PTPRT: variants seen among roughly 807,000 people sequenced by gnomAD.
PTPRT encodes protein tyrosine phosphatase receptor type T.
In PTPRT, 56 loss-of-function variants were observed where a neutral mutation model predicts 176.8. The observed-to-expected ratio is 0.32, with a 90% CI of 0.26 to 0.40. The LOEUF (loss-of-function observed/expected upper bound fraction) is 0.40, where lower values mean the gene tolerates loss of function less well. Among genes scored for constraint, PTPRT ranks in the 10% least tolerant of loss-of-function variants. The pLI, the probability that PTPRT is intolerant of heterozygous loss-of-function variation, is 1.00. For synonymous variants in PTPRT, 783 were observed against 739.0 expected (o/e 1.06, Z -0.96); for missense variants, 1,540 against 1,908.2 (o/e 0.81, Z 3.60).
chr20:42,652,547 T>A (rs1211749058), intron 7 of PTPRT, among the ~76,000 whole-genome samples: 2 of 152,102 alleles, frequency 1.3e-5, no homozygotes, highest in Non-Finnish European at 2.9e-5. Flanking sequence ...AGCATCCCCC[T>A]CCCCTTCACT....
At chr20:42,143,513 C>T (rs1003293488) in intron 17 of PTPRT, among the ~76,000 whole-genome samples, 6 of 148,728 alleles carry the variant, frequency 4.0e-5, no homozygotes, top group African/African-American at 1.5e-4. Flanking sequence ...GCTGAGAGCA[C>T]GCTACTGCAC....
chr20:42,729,817 C>G (rs1469156229), intron 6 of PTPRT, among the ~76,000 whole-genome samples: 2 of 150,524 alleles, frequency 1.3e-5, no homozygotes, highest in Non-Finnish European at 2.9e-5. Context: ...CCATGGCTAC[C>G]TCTTCTCTTC....
chr20:42,924,956 C>T (rs1979387253), intron 1 of PTPRT, among the ~76,000 whole-genome samples: 1 of 152,196 alleles, frequency 6.6e-6, no homozygotes, highest in Non-Finnish European at 1.5e-5. Context: ...AAAGAGCCTT[C>T]CAAGTGAATC....
chr20:42,301,043 A>G lies in PTPRT; in HGVS notation c.2139+14680T>C, dbSNP rs1424829822. Among the ~76,000 whole-genome samples the G allele has an allele frequency of 2.0e-5, 3 of 152,176 alleles. No individual in the cohort carries two copies. The East Asian group carries it at 5.8e-4, about 29-fold the overall frequency. ...GTAATAGTTGATTTCAACAAAAAAT[A>G]TCAGCAAATGCTAAAAGATGAAAGT... On this transcript the variant is annotated intron_variant, in intron 12 of 30. Coordinates refer to ENST00000373187, the MANE Select transcript of PTPRT (RefSeq NM_007050.6).
intron 15 of PTPRT, among the ~76,000 whole-genome samples, chr20:42,209,708 T>G (rs995008643): frequency 7.9e-5 from 12 of 152,182 alleles, no homozygotes; most frequent in Non-Finnish European, 1.5e-4. Context: ...AGCTGAATTC[T>G]ACCAGAGGTA....
intron 11 of PTPRT, among the ~76,000 whole-genome samples, chr20:42,316,507 G>A (rs1404131587): frequency 6.6e-6 from 1 of 152,146 alleles, no homozygotes; most frequent in Non-Finnish European, 1.5e-5. Flanking sequence ...TTGCCTCTAA[G>A]GCACTTGATT....
chr20:42,848,543 T>C (rs966158624), intron 2 of PTPRT, among the ~76,000 whole-genome samples: 7 of 152,256 alleles, frequency 4.6e-5, no homozygotes, highest in African/African-American at 1.7e-4. Flanking sequence ...GGTAACACAC[T>C]GTGGTTTTGA....
At chr20:42,628,077 T>G (rs2074329312) in intron 7 of PTPRT, among the ~76,000 whole-genome samples, 1 of 152,114 alleles carries the variant, frequency 6.6e-6, no homozygotes, top group Non-Finnish European at 1.5e-5. Context: ...CCACCCCATC[T>G]GGACATTAAC....
chr20:42,794,453 G>A (rs17811425), intron 2 of PTPRT, among the ~76,000 whole-genome samples: 57,393 of 151,998 alleles, frequency 0.38, 12,870 homozygotes, highest in Non-Finnish European at 0.51. Flanking sequence ...CAGTTTATCA[G>A]GATCCCCAGG....
chr20:42,472,405 G>A lies in PTPRT; in HGVS notation c.1311C>T (p.Ala437=), dbSNP rs756772112. The change falls in exon 8 of 31, where the codon GCC becomes GCT. Residue 437 remains alanine (A), a synonymous_variant. Coordinates refer to ENST00000373187, the MANE Select transcript of PTPRT (RefSeq NM_007050.6). ...QYVFNQQQYE[A]EEVIQTSSHY... ...GGGAGGAGGTCTGGATGACCTCCTCGGCCTCGTACTGCTGCTGGTTGAACA... is the reference window on the plus strand; with the variant it reads ...GGGAGGAGGTCTGGATGACCTCCTCAGCCTCGTACTGCTGCTGGTTGAACA... 4.3e-6 allele frequency: 7 copies of A among 1,614,182 alleles called. No homozygotes were observed. Among genetic ancestry groups the A allele is most frequent in the Admixed American group, 1.7e-5 (1 of 60,026 alleles).
In PTPRT at chr20:42,301,814, A is replaced by G. The variant is rs1034386435; in HGVS notation, c.2139+13909T>C. Among the ~76,000 whole-genome samples, 7 of 152,278 alleles carry G rather than the reference A, an allele frequency of 4.6e-5. No individual in the cohort carries two copies. The South Asian group carries it at 1.5e-3, about 32-fold the overall frequency. On this transcript the variant is annotated intron_variant, in intron 12 of 30. Transcript: ENST00000373187. ...TGCATTTGAAACTACCTTGAAAAAA[A>G]GGAGTTAGACATATTGGTGGAAGAG...
chr20:42,320,614 T>G (rs1486792671), intron 11 of PTPRT, among the ~76,000 whole-genome samples: 2 of 151,960 alleles, frequency 1.3e-5, no homozygotes, highest in Non-Finnish European at 2.9e-5. Context: ...TCACTGCAAA[T>G]GATGTATTGA....
At chr20:42,823,037 G>C (rs1254401977) in intron 2 of PTPRT, among the ~76,000 whole-genome samples, 1 of 152,100 alleles carries the variant, frequency 6.6e-6, no homozygotes, top group African/African-American at 2.4e-5. Context: ...CCATTACTGG[G>C]TATATACCCA....
intron 7 of PTPRT, among the ~76,000 whole-genome samples, chr20:42,643,819 G>C (rs970741027): frequency 6.6e-6 from 1 of 151,910 alleles, no homozygotes; most frequent in Non-Finnish European, 1.5e-5. Context: ...CCCTCCCCTT[G>C]CCTGAGCATA....
chr20:42,982,621 TG>T (rs761570274), intron 1 of PTPRT, among the ~76,000 whole-genome samples: 1 of 152,110 alleles, frequency 6.6e-6, no homozygotes, highest in African/African-American at 2.4e-5. Flanking sequence ...CCAGTGTAGA[TG>T]GATCGAAAGG....
Position 42,515,517 on chromosome 20 carries a change from C to T in PTPRT, c.1154-42955G>A, listed in dbSNP as rs1418242202. 2.0e-5 allele frequency among the ~76,000 whole-genome samples: 3 copies of T among 152,074 alleles called. No homozygotes were observed. The East Asian group carries it at 5.8e-4, about 29-fold the overall frequency. On this transcript the variant is annotated intron_variant, in intron 7 of 30. Coordinates refer to ENST00000373187, the MANE Select transcript of PTPRT (RefSeq NM_007050.6). ...ACAAAAAACATGGACGAGTGTTGTT[C>T]AGCCCTAGGAAGTTATATTTTGCTA... is the stretch of plus-strand genomic sequence containing the variant.
At chr20:42,864,132 G>A (rs993544000) in intron 2 of PTPRT, among the ~76,000 whole-genome samples, 14 of 152,196 alleles carry the variant, frequency 9.2e-5, no homozygotes, top group Admixed American at 2.0e-4. Flanking sequence ...CTGTGTGGGC[G>A]TTTCTGCCCC....
At chr20:42,723,658 A>G (rs1216401516) in intron 6 of PTPRT, among the ~76,000 whole-genome samples, 1 of 152,136 alleles carries the variant, frequency 6.6e-6, no homozygotes, top group Non-Finnish European at 1.5e-5. Flanking sequence ...TTTCTACCCA[A>G]TGTAGCCAAC....
At chr20:42,797,163 A>C (rs1288648744) in intron 2 of PTPRT, among the ~76,000 whole-genome samples, 1 of 151,914 alleles carries the variant, frequency 6.6e-6, no homozygotes, top group Non-Finnish European at 1.5e-5. Context: ...CCCCGTCTCC[A>C]CCTCCCACAA....
Sources: allele counts gnomAD v4.1 joint callset (sites outside exome capture counted in the v4.1 genomes callset), GRCh38; gene constraint gnomAD v4.1.1; transcripts MANE v1.5; gene names NCBI Gene and HGNC (gene_info 2026-07-23, HGNC 2026-07-21).